The following BRCA2 variants were observed in gnomAD, a reference collection of about 807,000 sequenced individuals.
BRCA2 encodes the protein breast cancer type 2 susceptibility protein.
BRCA2 carries 203 observed loss-of-function variants against 276.7 expected under a neutral mutation model. The observed-to-expected ratio is 0.73, with a 90% CI of 0.65 to 0.82. The LOEUF is 0.82. Ranked by LOEUF, BRCA2 falls within the 40% of genes least tolerant of loss-of-function variation. BRCA2 has a pLI of 0.00. For missense variants in BRCA2, 3,920 were observed against 3,915.0 expected, an observed-to-expected ratio of 1.00 and a Z score of -0.03; for synonymous variants, 1,289 against 1,338.4, an observed-to-expected ratio of 0.96 and a Z score of 0.81.
At chr13:32,348,107 A>G (rs1324258265) in intron 13 of BRCA2, among the ~76,000 whole-genome samples, 1 of 152,144 alleles carries the variant, frequency 6.6e-6, no homozygotes, top group African/African-American at 2.4e-5. Flanking sequence ...AATTAAAAAT[A>G]TGATAGCACA....
At position 32,338,761 on chromosome 13, in the gene BRCA2, A is replaced by T. The variant is rs2137505971; in HGVS notation, c.4406A>T (p.Asp1469Val). The T allele has an allele frequency of 6.2e-7, 1 of 1,610,120 alleles. No individual in the cohort carries two copies. The highest frequency in any genetic ancestry group is 8.5e-7 in the Non-Finnish European group (1 of 1,177,756). Reference protein sequence around the residue: ...NFSLNSELHSDIRKNKMDILS... With the variant: ...NFSLNSELHSVIRKNKMDILS... Reference sequence around the variant, plus strand: ...TCCTTAAATTCTGAATTACATTCTGACATAAGAAAGAACAAAATGGACATT... The same window carrying T: ...TCCTTAAATTCTGAATTACATTCTGTCATAAGAAAGAACAAAATGGACATT... Residue 1469 changes from aspartate (D) to valine (V), a missense_variant, in exon 11 of 27, where the codon GAC (aspartate) becomes GTC (valine). This residue lies in a region of BRCA2 where 3,263 missense variants were observed against 3,156.9 expected (regional missense o/e 1.03). Transcript: ENST00000380152.
intron 3 of BRCA2, among the ~76,000 whole-genome samples, chr13:32,319,536 C>G (rs1370197269): frequency 6.6e-6 from 1 of 152,158 alleles, no homozygotes; most frequent in Non-Finnish European, 1.5e-5. Context: ...AGTAAATGTT[C>G]TCTTTCATCC....
intron 16 of BRCA2, among the ~76,000 whole-genome samples, chr13:32,359,161 G>A (rs1390908489): frequency 6.8e-6 from 1 of 146,024 alleles, no homozygotes; most frequent in Non-Finnish European, 1.5e-5. Flanking sequence ...GGCGGAGGTT[G>A]CAGTGAGCCA....
chr13:32,353,717 C>T (rs1295565857), intron 13 of BRCA2, among the ~76,000 whole-genome samples: 4 of 152,084 alleles, frequency 2.6e-5, no homozygotes, highest in Admixed American at 6.6e-5. Flanking sequence ...GATGGATGGG[C>T]GAACGGATAA....
chr13:32,392,979 T>G (rs1015871887), intron 24 of BRCA2, among the ~76,000 whole-genome samples: 5 of 152,228 alleles, frequency 3.3e-5, no homozygotes, highest in African/African-American at 1.2e-4. Context: ...TCAATTATTT[T>G]GTAGCATTCC....
intron 3 of BRCA2, among the ~76,000 whole-genome samples, chr13:32,321,530 A>G (rs1375762005): frequency 1.6e-4 from 25 of 152,208 alleles, no homozygotes; most frequent in Admixed American, 1.6e-3. Context: ...AACCTGCTAG[A>G]ATTGATCTAT....
chr13:32,391,224 C>T (rs1394350244), intron 24 of BRCA2, among the ~76,000 whole-genome samples: 3 of 152,104 alleles, frequency 2.0e-5, no homozygotes, highest in Admixed American at 1.3e-4. Context: ...GCCTGTTTCC[C>T]TGGGAAACAG....
chr13:32,375,071 TCA>T (rs2072862087), intron 20 of BRCA2, among the ~76,000 whole-genome samples: 2 of 152,162 alleles, frequency 1.3e-5, no homozygotes, highest in African/African-American at 4.8e-5. Flanking sequence ...GGGAGAACTC[TCA>T]CTTTTAAGCC....
At position 32,397,098 on chromosome 13, in the gene BRCA2, G is replaced by A. The variant is rs11571823; in HGVS notation, c.9648+54G>A. The stretch of plus-strand genomic sequence containing the variant: ...ATAAGAAGTATATATGGAGGCCATC[G>A]TATATTCTGTTGTATACCTAGTAAA... On this transcript the variant is annotated intron_variant, in intron 26 of 26. Coordinates refer to ENST00000380152, the MANE Select transcript of BRCA2 (RefSeq NM_000059.4). The A allele has an allele frequency of 6.9e-4, 1,076 of 1,562,890 alleles. 6 individuals are homozygous for A. The African/African-American group carries it at 0.012, about 17-fold the overall frequency.
chr13:32,394,590 A>G, intron 24 of BRCA2, 99 bp from the exon 25 acceptor site: 2 of 1,404,384 alleles, frequency 1.4e-6, no homozygotes, highest in South Asian at 2.6e-5. Flanking sequence ...TTATTAGCAT[A>G]TACCAAAATA....
Position 32,326,554 on chromosome 13 carries a change from A to G in BRCA2, c.572A>G (p.Asp191Gly), listed in dbSNP as rs397507798. 2 of 1,614,066 alleles carry G rather than the reference A, an allele frequency of 1.2e-6. No individual in the cohort carries two copies. Among genetic ancestry groups the G allele is most frequent in the South Asian group, 2.2e-5 (2 of 91,080 alleles). Reference protein sequence around the residue: ...SESLGAEVDPDMSWSSSLATP... With the variant: ...SESLGAEVDPGMSWSSSLATP... ...AGTCTAGGAGCTGAGGTGGATCCTG[A>G]TATGTCTTGGTCAAGTTCTTTAGCT... The change falls in exon 7 of 27, where the codon GAT (aspartate) becomes GGT (glycine). Residue 191 changes from aspartate to glycine, a missense_variant. Asp to Gly is a moderately conservative substitution (Grantham distance 94, BLOSUM62 -1). Around this residue, in one of 2 missense-constraint regions of BRCA2, gnomAD observed 3,263 missense variants for 3,156.9 expected, o/e 1.03. Transcript: ENST00000380152.
intron 13 of BRCA2, among the ~76,000 whole-genome samples, chr13:32,353,487 G>T (rs532940114): frequency 7.5e-4 from 113 of 150,304 alleles, no homozygotes; most frequent in Non-Finnish European, 1.3e-3. Context: ...TTGTCATGGT[G>T]TACAGATTCT....
At chr13:32,322,453 T>C (rs2072312367) in intron 3 of BRCA2, among the ~76,000 whole-genome samples, 1 of 152,178 alleles carries the variant, frequency 6.6e-6, no homozygotes, top group South Asian at 2.1e-4. Flanking sequence ...AAAGTATTCC[T>C]TAGGGGAAAT....
chr13:32,341,098 A>G lies in BRCA2; in HGVS notation c.6743A>G (p.His2248Arg), dbSNP rs1064793995. 6.2e-7 allele frequency: 1 copy of G among 1,614,004 alleles called. No individual in the cohort carries two copies. The highest frequency in any genetic ancestry group is 1.3e-5 in the African/African-American group (1 of 75,058). Residue 2248 changes from histidine to arginine, a missense_variant, in exon 11 of 27, where the codon CAT (histidine) becomes CGT (arginine). By Grantham distance (29) the His-to-Arg change is conservative (BLOSUM62 0). This residue lies in a region of BRCA2 where 3,263 missense variants were observed against 3,156.9 expected (regional missense o/e 1.03). Transcript: ENST00000380152. ...DELTDSKLPSHATHSLFTCPE... is the reference protein window; with the variant it reads ...DELTDSKLPSRATHSLFTCPE... ...CTGACAGATTCTAAACTGCCAAGTCATGCCACACATTCTCTTTTTACATGT... is the reference window on the plus strand; with the variant it reads ...CTGACAGATTCTAAACTGCCAAGTCGTGCCACACATTCTCTTTTTACATGT...
chr13:32,364,906 A>G (rs1454480928), intron 18 of BRCA2, among the ~76,000 whole-genome samples: 2 of 151,954 alleles, frequency 1.3e-5, no homozygotes, highest in African/African-American at 2.4e-5. Context: ...CCTGGTTTCC[A>G]TGTCATCTTT....
intron 2 of BRCA2, among the ~76,000 whole-genome samples, chr13:32,317,233 A>T (rs1395671505): frequency 2.6e-5 from 4 of 152,178 alleles, no homozygotes; most frequent in Admixed American, 2.0e-4. Context: ...TAAGAATTTA[A>T]AGTTAATTTA....
chr13:32,321,779 A>G lies in BRCA2; in HGVS notation c.316+2454A>G, dbSNP rs1479217690. Among the ~76,000 whole-genome samples, 8 of 152,190 alleles carry G rather than the reference A, an allele frequency of 5.3e-5. No homozygotes were observed. In the East Asian group the frequency reaches 9.6e-4, roughly 18 times the overall value. On this transcript the variant is annotated intron_variant, in intron 3 of 26. Transcript: ENST00000380152. ...TTTAAAAAATTATTCCTAAAGTTCT[A>G]TGAGGAATTGTGCTGTTTCTGCCTC...
rs765435155 is a variant in BRCA2 at position 32,326,299 on chromosome 13, G to T, written c.516+17G>T. 8.1e-6 allele frequency: 13 copies of T among 1,608,284 alleles called. No homozygotes were observed. The highest frequency in any genetic ancestry group is 1.3e-5 in the African/African-American group (1 of 74,748). ...TTTGTGAAGGTAAATATTCTACCTG[G>T]TTTATTTTTATGACTTAGTAATTGA... On this transcript the variant is annotated intron_variant, in intron 6 of 26. Transcript: ENST00000380152.
At position 32,337,455 on chromosome 13, in the gene BRCA2, A is replaced by G. The variant is rs755227053; in HGVS notation, c.3100A>G (p.Ile1034Val). The G allele has an allele frequency of 6.2e-6, 10 of 1,612,278 alleles. No homozygotes were observed. The South Asian group carries it at 7.7e-5, about 12-fold the overall frequency. ...GAAGAGCAAAATGTTCTTCAAAGAT[A>G]TTGAAGAACAATATCCTACTAGTTT... The part of the protein sequence containing the change: ...IKKSKMFFKD[I>V]EEQYPTSLAC... The change falls in exon 11 of 27, where the codon ATT becomes GTT. Residue 1034 changes from isoleucine to valine, a missense_variant. Around this residue, in one of 2 missense-constraint regions of BRCA2, gnomAD observed 3,263 missense variants for 3,156.9 expected, o/e 1.03. Transcript: ENST00000380152.
Sources: allele counts gnomAD v4.1 joint callset (sites outside exome capture counted in the v4.1 genomes callset), GRCh38; gene constraint gnomAD v4.1.1; regional missense constraint gnomAD v4.1.1; transcripts MANE v1.5; gene names NCBI Gene and HGNC (gene_info 2026-07-23, HGNC 2026-07-21).